Variants in KANK1 observed in about 807,000 individuals in gnomAD.
KANK1 encodes KN motif and ankyrin repeat domain-containing protein 1.
Under a neutral mutation model 106.2 loss-of-function variants are expected in KANK1, and 109 were observed. The observed-to-expected ratio is 1.03, with a 90% CI of 0.88 to 1.20. The LOEUF (loss-of-function observed/expected upper bound fraction) is 1.20. KANK1 is among the 50% of genes most tolerant of loss of function. The probability of loss-of-function intolerance (pLI) is 0.00; values close to 1 mark genes in which losing one functional copy is unlikely to be tolerated. For synonymous variants in KANK1, 873 were observed against 652.2 expected, an observed-to-expected ratio of 1.34 and a Z score of -5.16; for missense variants, 2,399 against 1,710.7, an observed-to-expected ratio of 1.40 and a Z score of -7.10.
chr9:711,208 C>G lies in KANK1; in HGVS notation c.442C>G (p.Pro148Ala). The G allele has an allele frequency of 6.2e-7, 1 of 1,614,174 alleles. No individual in the cohort carries two copies. The highest frequency in any genetic ancestry group is 8.5e-7 in the Non-Finnish European group (1 of 1,180,038). Residue 148 changes from proline to alanine, a missense_variant, in exon 3 of 12, where the codon CCA (proline) becomes GCA (alanine). Transcript: ENST00000382297. ...RQLPPPSPQL[P>A]KHNLHVTKTL... ...GCTGCCACCTCCCTCACCACAACTC[C>G]CAAAGCATAACCTTCATGTCACCAA...
At chr9:626,397 G>T (rs117417827) in intron 1 of KANK1, among the ~76,000 whole-genome samples, 2,076 of 152,256 alleles carry the variant, frequency 0.014, 24 homozygotes, top group Middle Eastern at 0.031. Flanking sequence ...AGAGGTTGCA[G>T]TGAGCCGGGT....
chr9:684,328 T>A (rs1054622594), intron 2 of KANK1: 1 of 985,302 alleles, frequency 1.0e-6, no homozygotes, highest in Non-Finnish European at 1.2e-6. Context: ...CTCCTGCTCC[T>A]GGGTACTGGG....
At chr9:733,218 A>G (rs1211825024) in intron 6 of KANK1, 5 of 152,264 alleles carry the variant, frequency 3.3e-5, no homozygotes, top group Admixed American at 2.6e-4. Context: ...AGACCATTAG[A>G]TAAGGATTTG....
intron 1 of KANK1, among the ~76,000 whole-genome samples, chr9:525,736 G>A (rs144389561): frequency 6.6e-6 from 1 of 151,464 alleles, no homozygotes; most frequent in Non-Finnish European, 1.5e-5. Context: ...ATTTAAGGAG[G>A]CATGTGGTGA....
intron 2 of KANK1, among the ~76,000 whole-genome samples, chr9:689,812 C>T (rs1274658860): frequency 1.3e-5 from 2 of 152,044 alleles, no homozygotes; most frequent in East Asian, 3.9e-4. Flanking sequence ...AGAAATAACC[C>T]AGGCCCTCAG....
At chr9:483,253 C>T (rs1006534249) in intron 3 of KANK1, among the ~76,000 whole-genome samples, 6 of 152,056 alleles carry the variant, frequency 3.9e-5, no homozygotes, top group African/African-American at 1.4e-4. Flanking sequence ...GAACATACCC[C>T]CTGTGGATTA....
intron 1 of KANK1, among the ~76,000 whole-genome samples, chr9:512,230 A>AGTGT (rs71678968): frequency 0.015 from 2,013 of 136,958 alleles, 13 homozygotes; most frequent in Non-Finnish European, 0.021. Context: ...CATAACCAAT[A>AGTGT]GTGTGTGTGT....
chr9:472,860 T>G (rs2058044483), intron 2 of KANK1, among the ~76,000 whole-genome samples: 2 of 152,200 alleles, frequency 1.3e-5, no homozygotes, highest in South Asian at 4.1e-4. Flanking sequence ...ATCTTGGATT[T>G]CTGGCCCCAA....
intron 3 of KANK1, among the ~76,000 whole-genome samples, chr9:724,767 A>G (rs1418967625): frequency 6.6e-6 from 1 of 151,962 alleles, no homozygotes; most frequent in East Asian, 1.9e-4. Flanking sequence ...GCGCCACTGC[A>G]TTCCAGGCTG....
At chr9:589,668 G>T (rs1193486999) in intron 1 of KANK1, among the ~76,000 whole-genome samples, 1 of 152,168 alleles carries the variant, frequency 6.6e-6, no homozygotes, top group Non-Finnish European at 1.5e-5. Flanking sequence ...AGGAGATGGA[G>T]CAAGTAGACA....
At chr9:691,129 A>G (rs1261786357) in intron 2 of KANK1, among the ~76,000 whole-genome samples, 1 of 152,186 alleles carries the variant, frequency 6.6e-6, no homozygotes. Context: ...CTGATAAAGG[A>G]CTAGGCATTT....
chr9:607,669 C>T (rs1156445729), intron 1 of KANK1, among the ~76,000 whole-genome samples: 3 of 151,622 alleles, frequency 2.0e-5, no homozygotes, highest in African/African-American at 7.3e-5. Context: ...GTTCTCTTCA[C>T]CCAGCCCAGC....
chr9:618,346 T>C (rs931230536), intron 1 of KANK1, among the ~76,000 whole-genome samples: 1 of 152,042 alleles, frequency 6.6e-6, no homozygotes, highest in African/African-American at 2.4e-5. Context: ...TAGCTGGGAC[T>C]ACAGGCACAC....
At chr9:643,378 A>C (rs1248518976) in intron 1 of KANK1, among the ~76,000 whole-genome samples, 1 of 150,632 alleles carries the variant, frequency 6.6e-6, no homozygotes, top group East Asian at 1.9e-4. Flanking sequence ...TTAACTCTTA[A>C]ATGTTTTTTT....
At chr9:675,666 T>G (rs1243977746) in intron 1 of KANK1, among the ~76,000 whole-genome samples, 1 of 152,182 alleles carries the variant, frequency 6.6e-6, no homozygotes, top group Non-Finnish European at 1.5e-5. Context: ...TCTATCATTT[T>G]GTTACTGGAA....
At position 599,696 on chromosome 9, in the gene KANK1, C is replaced by G. The variant is rs192093711; in HGVS notation, c.-83-77194C>G. 3.5e-3 allele frequency among the ~76,000 whole-genome samples: 527 copies of G among 151,762 alleles called. 12 individuals carry two copies. Among genetic ancestry groups the G allele is most frequent in the African/African-American group, 0.012 (484 of 41,124 alleles). On this transcript the variant is annotated intron_variant, in intron 1 of 11. Coordinates refer to ENST00000382297, the MANE Select transcript of KANK1 (RefSeq NM_015158.5). ...CTGCTTTTATGCAGATATTTTCAAC[C>G]CAACATGGATTGAAAATAGAGTACT...
At chr9:660,948 C>T (rs1290598878) in intron 1 of KANK1, among the ~76,000 whole-genome samples, 1 of 152,182 alleles carries the variant, frequency 6.6e-6, no homozygotes. Context: ...ACCAACCTTC[C>T]ATCAAAGTTA....
chr9:528,636 C>T (rs574467127), intron 1 of KANK1, among the ~76,000 whole-genome samples: 17 of 151,760 alleles, frequency 1.1e-4, no homozygotes, highest in Admixed American at 1.1e-3. Flanking sequence ...TACAGGTGCC[C>T]GCCACCATGC....
At chr9:503,681 GTTT>G (rs1357808974), upstream of KANK1, among the ~76,000 whole-genome samples, 5 of 152,272 alleles carry the variant, frequency 3.3e-5, no homozygotes, top group South Asian at 6.2e-4. Context: ...AGCTAACATT[GTTT>G]TTTGAGTAAT....
Sources: allele counts gnomAD v4.1 joint callset (sites outside exome capture counted in the v4.1 genomes callset), GRCh38; gene constraint gnomAD v4.1.1; transcripts MANE v1.5; gene names NCBI Gene and HGNC (gene_info 2026-07-23, HGNC 2026-07-21).